CSMD3: variants seen among roughly 807,000 people sequenced by gnomAD.
CSMD3 encodes CUB and Sushi multiple domains 3.
CSMD3 carries 177 observed loss-of-function variants against 435.2 expected under a neutral mutation model. The ratio of observed to expected loss-of-function variants is 0.41; its 90% CI spans 0.36 to 0.46. The LOEUF is 0.46. CSMD3 is among the 20% of genes least tolerant of loss of function. The pLI, the probability that CSMD3 is intolerant of heterozygous loss-of-function variation, is 0.34. For missense variants in CSMD3, 4,265 were observed against 4,504.6 expected (o/e 0.95, Z 1.52); for synonymous variants, 1,656 against 1,520.5 (o/e 1.09, Z -2.07).
intron 11 of CSMD3, among the ~76,000 whole-genome samples, 155 bp downstream of exon 11, chr8:112,858,990 A>G (rs901605375): frequency 6.6e-6 from 1 of 151,996 alleles, no homozygotes; most frequent in Middle Eastern, 3.4e-3. Context: ...CAAATTTCTC[A>G]TATAAATCTG....
intron 10 of CSMD3, among the ~76,000 whole-genome samples, chr8:112,915,912 A>G (rs1368841396): frequency 6.6e-6 from 1 of 151,886 alleles, no homozygotes; most frequent in African/African-American, 2.4e-5. Context: ...TGAACTAAAA[A>G]TATCCTTAAC....
chr8:113,118,359 T>C (rs936693881), intron 4 of CSMD3, among the ~76,000 whole-genome samples: 9 of 152,188 alleles, frequency 5.9e-5, no homozygotes, highest in South Asian at 4.1e-4. Context: ...ATAAAATTTA[T>C]TGGACATTTA....
chr8:112,504,789 G>T (rs1164257435), intron 29 of CSMD3, among the ~76,000 whole-genome samples: 1 of 152,014 alleles, frequency 6.6e-6, no homozygotes, highest in South Asian at 2.1e-4. Context: ...TAGAAGACAG[G>T]GGACATGCAA....
intron 6 of CSMD3, among the ~76,000 whole-genome samples, chr8:112,977,839 T>C (rs1291380175): frequency 6.6e-6 from 1 of 152,124 alleles, no homozygotes; most frequent in Non-Finnish European, 1.5e-5. Flanking sequence ...TAAGTTCACA[T>C]TGGTTATATA....
intron 58 of CSMD3, among the ~76,000 whole-genome samples, chr8:112,282,231 CGTGT>C: frequency 6.7e-6 from 1 of 148,874 alleles, no homozygotes; most frequent in African/African-American, 2.4e-5. Flanking sequence ...GTATAACTGC[CGTGT>C]GTGTGTGTGT....
At chr8:112,379,606 A>G (rs1485373321) in intron 38 of CSMD3, among the ~76,000 whole-genome samples, 1 of 152,208 alleles carries the variant, frequency 6.6e-6, no homozygotes, top group Non-Finnish European at 1.5e-5. Flanking sequence ...TACACAAAGC[A>G]ACCTACAGAT....
At chr8:112,669,509 T>G (rs1340461624) in intron 16 of CSMD3, among the ~76,000 whole-genome samples, 1 of 152,186 alleles carries the variant, frequency 6.6e-6, no homozygotes, top group Non-Finnish European at 1.5e-5. Flanking sequence ...TACATTTTTT[T>G]AACCAAAAAT....
chr8:113,154,538 T>A (rs997334520), intron 4 of CSMD3, among the ~76,000 whole-genome samples: 1 of 152,006 alleles, frequency 6.6e-6, no homozygotes, highest in African/African-American at 2.4e-5. Context: ...CAGAATACAA[T>A]CTTAGGGAGC....
intron 61 of CSMD3, 129 bp from the exon 62 acceptor site, chr8:112,255,556 C>A (rs1380514160): frequency 2.5e-6 from 2 of 814,706 alleles, no homozygotes; most frequent in African/African-American, 1.7e-5. Flanking sequence ...AAAGCTATCC[C>A]AATGAAAAAA....
At chr8:112,924,408 CTAT>C (rs1214743527) in intron 9 of CSMD3, among the ~76,000 whole-genome samples, 1 of 152,084 alleles carries the variant, frequency 6.6e-6, no homozygotes, top group Non-Finnish European at 1.5e-5. Flanking sequence ...CATTTAATTA[CTAT>C]TTTCTCACTA....
At chr8:112,604,121 A>G (rs1265811913) in intron 22 of CSMD3, among the ~76,000 whole-genome samples, 1 of 152,176 alleles carries the variant, frequency 6.6e-6, no homozygotes, top group African/African-American at 2.4e-5. Flanking sequence ...CTTTCAGTTA[A>G]ATGAACATTT....
At chr8:112,930,187 G>A (rs920233112) in intron 9 of CSMD3, among the ~76,000 whole-genome samples, 4 of 151,968 alleles carry the variant, frequency 2.6e-5, no homozygotes, top group East Asian at 1.9e-4. Context: ...AAGCCATAAG[G>A]CAAGGTTAAC....
At chr8:112,524,816 G>C (rs1455742571) in intron 27 of CSMD3, among the ~76,000 whole-genome samples, 8 of 151,758 alleles carry the variant, frequency 5.3e-5, no homozygotes, top group Non-Finnish European at 1.0e-4. Context: ...TGTACAAAAA[G>C]CATCTTCTTT....
chr8:112,227,476 C>T (rs997336785), intron 70 of CSMD3, among the ~76,000 whole-genome samples: 24 of 152,070 alleles, frequency 1.6e-4, no homozygotes, highest in African/African-American at 5.6e-4. Context: ...TGGAAATATA[C>T]AGTAGTGATG....
intron 24 of CSMD3, among the ~76,000 whole-genome samples, chr8:112,572,778 A>G (rs1432081428): frequency 6.6e-6 from 1 of 152,110 alleles, no homozygotes; most frequent in Non-Finnish European, 1.5e-5. Flanking sequence ...ATTTATTAGC[A>G]AAGAATCCTG....
intron 1 of CSMD3, among the ~76,000 whole-genome samples, chr8:113,393,684 A>G (rs778756585): frequency 1.1e-4 from 16 of 152,114 alleles, no homozygotes; most frequent in Non-Finnish European, 2.1e-4. Flanking sequence ...AACAAACACA[A>G]CTTGGAAGCA....
chr8:113,424,342 A>G (rs141851586), intron 1 of CSMD3, among the ~76,000 whole-genome samples: 233 of 151,862 alleles, frequency 1.5e-3, no homozygotes, highest in African/African-American at 5.3e-3. Context: ...ACAAAACATA[A>G]TGTACTTATT....
rs149785041 is a variant in CSMD3, at chr8:112,395,219, C to A, written c.5810-4431G>T. Among the ~76,000 whole-genome samples the A allele has an allele frequency of 3.1e-4, 47 of 152,202 alleles. No homozygotes were observed. The East Asian group carries it at 8.5e-3, about 28-fold the overall frequency. ...TAGAGCAGGCTTTCAAATCAAGCAGCCTAAGTTCAAATCCAATTCTGCCTT... is the reference window on the plus strand; with the variant it reads ...TAGAGCAGGCTTTCAAATCAAGCAGACTAAGTTCAAATCCAATTCTGCCTT... On this transcript the variant is annotated intron_variant, in intron 35 of 70. Coordinates refer to ENST00000297405, the MANE Select transcript of CSMD3 (RefSeq NM_198123.2).
chr8:112,817,182 T>C (rs114495393), intron 12 of CSMD3, among the ~76,000 whole-genome samples: 238 of 152,210 alleles, frequency 1.6e-3, no homozygotes, highest in African/African-American at 5.5e-3. Context: ...ATCTAATGAG[T>C]CTAATAGTGA....
Sources: gnomAD v4.1 joint callset for allele counts (sites outside exome capture counted in the v4.1 genomes callset) on GRCh38, gnomAD v4.1.1 for gene constraint, MANE v1.5 for transcripts, NCBI Gene and HGNC (gene_info 2026-07-23, HGNC 2026-07-21) for gene names.